Variants in EGFLAM observed in about 807,000 individuals in gnomAD.
EGFLAM encodes EGF like, fibronectin type III and laminin G domains.
Under a neutral mutation model 113.1 loss-of-function variants are expected in EGFLAM, and 79 were observed. The observed-to-expected ratio is 0.70, with a 90% CI of 0.58 to 0.84. EGFLAM has a LOEUF of 0.84. Ranked by LOEUF, EGFLAM falls within the 40% of genes least tolerant of loss-of-function variation. EGFLAM has a pLI of 0.00. For synonymous variants in EGFLAM, 504 were observed against 487.6 expected (o/e 1.03, Z -0.44); for missense variants, 1,265 against 1,291.6 (o/e 0.98, Z 0.32).
chr5:38,373,363 G>A (rs1275302710), intron 6 of EGFLAM, among the ~76,000 whole-genome samples: 2 of 152,140 alleles, frequency 1.3e-5, no homozygotes, highest in African/African-American at 4.8e-5. Context: ...CACCCAAATA[G>A]TGACCATTGT....
chr5:38,364,002 T>C (rs1476692752), intron 5 of EGFLAM, among the ~76,000 whole-genome samples: 6 of 152,218 alleles, frequency 3.9e-5, no homozygotes, highest in Non-Finnish European at 8.8e-5. Context: ...AGTAAAACTT[T>C]ATTTACTAAG....
chr5:38,455,982 T>C (rs62353647), intron 19 of EGFLAM, among the ~76,000 whole-genome samples: 1,681 of 152,292 alleles, frequency 0.011, 14 homozygotes, highest in Middle Eastern at 0.075. Flanking sequence ...TGGTTATATA[T>C]TGACAGCTTG....
At position 38,338,864 on chromosome 5, in the gene EGFLAM, G is replaced by A; in HGVS notation, c.291+83G>A. 3 of 1,084,500 alleles carry A rather than the reference G, an allele frequency of 2.8e-6. No individual in the cohort carries two copies. In the South Asian group the frequency reaches 3.9e-5, roughly 14 times the overall value. 67.2% of individuals were successfully genotyped at this position (1,084,500 alleles called of 1,614,324 possible). The stretch of plus-strand genomic sequence containing the variant: ...TTGCTGATTTGGTGTGTGTGCTACT[G>A]TACATGTAATAATAATAACTAATGC... On this transcript the variant is annotated intron_variant, in intron 3 of 21. Transcript: ENST00000322350.
At chr5:38,458,873 C>T (rs1005857784) in intron 20 of EGFLAM, among the ~76,000 whole-genome samples, 3 of 151,574 alleles carry the variant, frequency 2.0e-5, no homozygotes, top group African/African-American at 4.9e-5. Context: ...CCTAACTACT[C>T]GGGAGGCTGA....
At chr5:38,326,884 C>T (rs1374218670) in intron 1 of EGFLAM, among the ~76,000 whole-genome samples, 1 of 150,220 alleles carries the variant, frequency 6.7e-6, no homozygotes, top group Admixed American at 6.6e-5. Context: ...CAGCAACCTC[C>T]GCCTCCCAGG....
At position 38,451,477 on chromosome 5, in the gene EGFLAM, G is replaced by A. The variant is rs1330317507; in HGVS notation, c.2687+19G>A. 3 of 1,611,456 alleles carry A rather than the reference G, an allele frequency of 1.9e-6. No individual in the cohort carries two copies. The South Asian group carries it at 3.3e-5, about 18-fold the overall frequency. ...TGTTCAGGTAACCCCCTCTCCATCT[G>A]CCTTCAGCAGCACCTTGCGATTTTC... is the stretch of plus-strand genomic sequence containing the variant. On this transcript the variant is annotated intron_variant, in intron 19 of 21. Transcript: ENST00000322350.
intron 12 of EGFLAM, among the ~76,000 whole-genome samples, chr5:38,419,513 G>A (rs1741760836): frequency 1.3e-5 from 2 of 152,152 alleles, no homozygotes. Context: ...ACATTTTGCT[G>A]CATTTTCTTG....
intron 11 of EGFLAM, 74 bp downstream of exon 11, chr5:38,412,722 G>T: frequency 6.5e-7 from 1 of 1,548,732 alleles, no homozygotes; most frequent in South Asian, 1.2e-5. Flanking sequence ...GCTTACTGCA[G>T]AGAGCCGTGG....
chr5:38,435,605 C>T lies in EGFLAM; in HGVS notation c.2283+352C>T, dbSNP rs1187766052. ...GGAGGTGGACGGAGGTGAATAGCAA[C>T]CTTGGCTCTGCGCTTCTCTTTTGCG... On this transcript the variant is annotated intron_variant, in intron 16 of 21. Transcript: ENST00000322350. 2.0e-5 allele frequency among the ~76,000 whole-genome samples: 3 copies of T among 152,102 alleles called. No homozygotes were observed. In the East Asian group the frequency reaches 5.8e-4, roughly 29 times the overall value.
intron 16 of EGFLAM, among the ~76,000 whole-genome samples, chr5:38,436,570 A>G (rs1026289099): frequency 9.2e-5 from 14 of 152,154 alleles, no homozygotes; most frequent in Non-Finnish European, 1.6e-4. Flanking sequence ...ATGCTTAACC[A>G]GGTGTTTCAA....
chr5:38,266,995 A>G (rs1757649329), intron 1 of EGFLAM, among the ~76,000 whole-genome samples: 1 of 152,192 alleles, frequency 6.6e-6, no homozygotes, highest in Non-Finnish European at 1.5e-5. Flanking sequence ...ACTTATCCAA[A>G]GCAGGCTAGT....
chr5:38,436,322 A>G (rs2561822), intron 16 of EGFLAM, among the ~76,000 whole-genome samples: 9,920 of 152,142 alleles, frequency 0.065, 618 homozygotes, highest in African/African-American at 0.16. Context: ...AATGGTGGCT[A>G]AAGGATCCTT....
At chr5:38,460,132 G>A (rs1157033926) in intron 20 of EGFLAM, among the ~76,000 whole-genome samples, 2 of 152,202 alleles carry the variant, frequency 1.3e-5, no homozygotes, top group African/African-American at 4.8e-5. Context: ...AAATGCTTGA[G>A]CTCTTTACCT....
chr5:38,357,863 T>C (rs1739803461), intron 5 of EGFLAM, among the ~76,000 whole-genome samples: 1 of 150,296 alleles, frequency 6.7e-6, no homozygotes, highest in African/African-American at 2.5e-5. Context: ...TAACAAATTT[T>C]CTTTTTTTTT....
At position 38,458,484 on chromosome 5, in the gene EGFLAM, C is replaced by T. The variant is rs893337168; in HGVS notation, c.2771+90C>T. 8.4e-6 allele frequency: 11 copies of T among 1,311,010 alleles called. No individual in the cohort carries two copies. In the Admixed American group the frequency reaches 2.2e-4, roughly 26 times the overall value. The allele number at this position is 1,311,010 out of a possible 1,614,324, so 81.2% of individuals were successfully genotyped here. The stretch of plus-strand genomic sequence containing the variant: ...TCCCTTGTAGTCCCACTGTCCTGTT[C>T]CCCAACTTTGCCTGGCATCCTAGTT... On this transcript the variant is annotated intron_variant, in intron 20 of 21. Coordinates refer to ENST00000322350, the MANE Select transcript of EGFLAM (RefSeq NM_152403.4).
At chr5:38,337,699 TTTTTCTAGA>T in intron 2 of EGFLAM, 70 bp downstream of exon 2, 1 of 1,280,580 alleles carries the variant, frequency 7.8e-7, no homozygotes, top group Non-Finnish European at 1.1e-6. Context: ...TCATCCTTGC[TTTTTCTAGA>T]TATCTGTCCT....
chr5:38,286,880 T>C (rs1758176647), intron 1 of EGFLAM, among the ~76,000 whole-genome samples: 1 of 152,142 alleles, frequency 6.6e-6, no homozygotes, highest in Non-Finnish European at 1.5e-5. Flanking sequence ...ATGTCCAATC[T>C]AAACAGACTG....
intron 6 of EGFLAM, among the ~76,000 whole-genome samples, chr5:38,372,116 G>A (rs184951466): frequency 6.6e-6 from 1 of 152,066 alleles, no homozygotes; most frequent in Non-Finnish European, 1.5e-5. Context: ...GGAAGGATGG[G>A]TGGGTTGGGG....
chr5:38,445,119 G>A (rs1167253314), intron 17 of EGFLAM, among the ~76,000 whole-genome samples: 1 of 151,994 alleles, frequency 6.6e-6, no homozygotes, highest in Non-Finnish European at 1.5e-5. Context: ...GTTATTTCTC[G>A]AGGGTGCCTC....
Sources: gnomAD v4.1 joint callset for allele counts (sites outside exome capture counted in the v4.1 genomes callset) on GRCh38, gnomAD v4.1.1 for gene constraint, MANE v1.5 for transcripts, NCBI Gene and HGNC (gene_info 2026-07-23, HGNC 2026-07-21) for gene names.